KCNQ3: variants seen among roughly 807,000 people sequenced by gnomAD.
KCNQ3 encodes the protein potassium voltage-gated channel subfamily Q member 3.
KCNQ3 carries 30 observed loss-of-function variants against 92.5 expected under a neutral mutation model. That is an observed-to-expected ratio of 0.32 (90% CI 0.24 to 0.44). The LOEUF (loss-of-function observed/expected upper bound fraction) is 0.44. Ranked by LOEUF, KCNQ3 falls within the 20% of genes least tolerant of loss-of-function variation. The pLI is 1.00. For missense variants in KCNQ3, 913 were observed against 1,140.3 expected (o/e 0.80, Z 2.87); for synonymous variants, 450 against 468.8 (o/e 0.96, Z 0.52).
At chr8:132,263,704 C>T (rs1287754544) in intron 1 of KCNQ3, among the ~76,000 whole-genome samples, 1 of 152,210 alleles carries the variant, frequency 6.6e-6, no homozygotes, top group Non-Finnish European at 1.5e-5. Context: ...AGAACTTTTG[C>T]AGTGGGGATG....
chr8:132,308,503 G>A (rs562213705), intron 1 of KCNQ3, among the ~76,000 whole-genome samples: 2 of 152,272 alleles, frequency 1.3e-5, no homozygotes, highest in Non-Finnish European at 2.9e-5. Context: ...TCAGTGGGAA[G>A]TACAACAGCA....
At chr8:132,227,470 T>G (rs879669332) in intron 1 of KCNQ3, among the ~76,000 whole-genome samples, 2 of 152,164 alleles carry the variant, frequency 1.3e-5, no homozygotes, top group East Asian at 3.9e-4. Context: ...TCTGCAAGTC[T>G]AAAAGGAAGG....
At chr8:132,391,389 T>G (rs578186513) in intron 1 of KCNQ3, among the ~76,000 whole-genome samples, 1 of 152,086 alleles carries the variant, frequency 6.6e-6, no homozygotes, top group Non-Finnish European at 1.5e-5. Flanking sequence ...GTCTCGCTTC[T>G]TCAAGATGTT....
At chr8:132,303,099 G>C (rs775583703) in intron 1 of KCNQ3, among the ~76,000 whole-genome samples, 11 of 152,180 alleles carry the variant, frequency 7.2e-5, no homozygotes, top group Non-Finnish European at 1.2e-4. Flanking sequence ...CAAGAGGGCA[G>C]CAGGCTGGCC....
intron 9 of KCNQ3, among the ~76,000 whole-genome samples, chr8:132,160,934 A>G (rs902675358): frequency 6.6e-6 from 1 of 152,182 alleles, no homozygotes; most frequent in Non-Finnish European, 1.5e-5. Context: ...TGAGTTGGGC[A>G]TCTAAACTAG....
intron 1 of KCNQ3, among the ~76,000 whole-genome samples, chr8:132,401,258 T>C (rs367960352): frequency 2.6e-5 from 4 of 152,194 alleles, no homozygotes; most frequent in Non-Finnish European, 5.9e-5. Context: ...TTTCATAAGA[T>C]GGTTGAATCT....
chr8:132,221,093 T>A (rs1241818296), intron 1 of KCNQ3, among the ~76,000 whole-genome samples: 1 of 152,216 alleles, frequency 6.6e-6, no homozygotes, highest in Non-Finnish European at 1.5e-5. Flanking sequence ...TGTGATAGTT[T>A]GCTCAGAATG....
At chr8:132,229,998 G>A (rs1472360828) in intron 1 of KCNQ3, among the ~76,000 whole-genome samples, 1 of 152,162 alleles carries the variant, frequency 6.6e-6, no homozygotes, top group East Asian at 1.9e-4. Context: ...GCAGGATGGG[G>A]TCTGATCACT....
intron 1 of KCNQ3, among the ~76,000 whole-genome samples, chr8:132,211,852 C>T (rs1233294491): frequency 4.0e-5 from 6 of 149,286 alleles, no homozygotes; most frequent in African/African-American, 1.5e-4. Context: ...ACTTGGGAGG[C>T]TGAGGCAGGA....
At chr8:132,319,679 C>T (rs1308899108) in intron 1 of KCNQ3, among the ~76,000 whole-genome samples, 1 of 152,188 alleles carries the variant, frequency 6.6e-6, no homozygotes, top group Non-Finnish European at 1.5e-5. Flanking sequence ...TGGATGATGG[C>T]CACAAGTCCC....
intron 1 of KCNQ3, among the ~76,000 whole-genome samples, chr8:132,318,884 G>A (rs1817816836): frequency 6.6e-6 from 1 of 152,198 alleles, no homozygotes; most frequent in African/African-American, 2.4e-5. Flanking sequence ...CATGACCTTG[G>A]AGAAGTACCT....
intron 1 of KCNQ3, among the ~76,000 whole-genome samples, chr8:132,478,547 C>A (rs1259406601): frequency 6.6e-6 from 1 of 151,600 alleles, no homozygotes; most frequent in Non-Finnish European, 1.5e-5. Flanking sequence ...GCTTTTTTTT[C>A]GGCCACCTAA....
chr8:132,167,561 T>A (rs1453569066), intron 8 of KCNQ3, among the ~76,000 whole-genome samples: 1 of 152,232 alleles, frequency 6.6e-6, no homozygotes, highest in Non-Finnish European at 1.5e-5. Flanking sequence ...TCTTTGCCAT[T>A]AACATACAGA....
intron 8 of KCNQ3, among the ~76,000 whole-genome samples, chr8:132,169,849 T>A (rs1305099521): frequency 1.3e-5 from 2 of 152,144 alleles, no homozygotes; most frequent in Non-Finnish European, 2.9e-5. Context: ...CATCAGATTT[T>A]TTTTTTCTTT....
chr8:132,472,544 G>C (rs570583936), intron 1 of KCNQ3, among the ~76,000 whole-genome samples: 11 of 152,236 alleles, frequency 7.2e-5, no homozygotes, highest in African/African-American at 2.6e-4. Flanking sequence ...CCCATATGTG[G>C]GAGCTAAAAA....
chr8:132,425,402 C>T (rs1396872293), intron 1 of KCNQ3, among the ~76,000 whole-genome samples: 1 of 152,164 alleles, frequency 6.6e-6, no homozygotes, highest in Non-Finnish European at 1.5e-5. Flanking sequence ...ATTTCCTCAC[C>T]TTAAATGAGT....
At chr8:132,230,524 C>A (rs969168099) in intron 1 of KCNQ3, among the ~76,000 whole-genome samples, 3 of 151,856 alleles carry the variant, frequency 2.0e-5, no homozygotes, top group Non-Finnish European at 4.4e-5. Flanking sequence ...CAGAAATTTT[C>A]TTGCAATGTG....
chr8:132,207,921 TA>T (rs762571946), intron 1 of KCNQ3, among the ~76,000 whole-genome samples: 3,081 of 103,876 alleles, frequency 0.03, 92 homozygotes, highest in Admixed American at 0.11. Context: ...TGAGAGAGAT[TA>T]AAAAAAAAAA....
chr8:132,240,756 T>C (rs1814968055), intron 1 of KCNQ3, among the ~76,000 whole-genome samples: 1 of 152,246 alleles, frequency 6.6e-6, no homozygotes, highest in Admixed American at 6.5e-5. Context: ...TGGCTCTCAG[T>C]AAATATTTAT....
Sources: allele counts gnomAD v4.1 joint callset (sites outside exome capture counted in the v4.1 genomes callset), GRCh38; gene constraint gnomAD v4.1.1; transcripts MANE v1.5; gene names NCBI Gene and HGNC (gene_info 2026-07-23, HGNC 2026-07-21).